Variants in ARIH1 observed in about 807,000 individuals in gnomAD.
ARIH1 encodes the protein ariadne RBR E3 ubiquitin protein ligase 1, also known as E3 ubiquitin-protein ligase ARIH1.
In ARIH1, 8 loss-of-function variants were observed where a neutral mutation model predicts 85.0. The observed-to-expected ratio is 0.09, with a 90% CI of 0.06 to 0.17. The LOEUF is 0.17. ARIH1 is among the 10% of genes least tolerant of loss of function. The pLI, the probability that ARIH1 is intolerant of heterozygous loss-of-function variation, is 1.00. For synonymous variants in ARIH1, 238 were observed against 253.6 expected (o/e 0.94, Z 0.59); for missense variants, 311 against 718.1 (o/e 0.43, Z 6.48).
chr15:72,579,914 T>G (rs920787093), intron 11 of ARIH1, among the ~76,000 whole-genome samples: 1 of 152,218 alleles, frequency 6.6e-6, no homozygotes, highest in Non-Finnish European at 1.5e-5. Flanking sequence ...CTAATTGTTG[T>G]ATTGCCTTGC....
intron 1 of ARIH1, among the ~76,000 whole-genome samples, chr15:72,517,499 A>G (rs538249033): frequency 5.3e-5 from 8 of 151,438 alleles, no homozygotes; most frequent in African/African-American, 1.9e-4. Context: ...ATCTTGGCTC[A>G]CTGCAACCTC....
At chr15:72,494,118 G>A (rs16956997) in intron 1 of ARIH1, among the ~76,000 whole-genome samples, 4,417 of 152,140 alleles carry the variant, frequency 0.029, 114 homozygotes, top group East Asian at 0.11. Flanking sequence ...TCTGAGGTTA[G>A]TGGGTCCCTA....
intron 1 of ARIH1, among the ~76,000 whole-genome samples, chr15:72,489,637 A>G (rs546132258): frequency 2.0e-5 from 3 of 152,364 alleles, no homozygotes; most frequent in African/African-American, 7.2e-5. Context: ...ATACTGAAGT[A>G]TGGTGGTCGT....
At chr15:72,570,919 G>A (rs1444475145) in intron 10 of ARIH1, among the ~76,000 whole-genome samples, 5 of 151,756 alleles carry the variant, frequency 3.3e-5, no homozygotes, top group Non-Finnish European at 5.9e-5. Flanking sequence ...ACCTGAGGTC[G>A]GGAGTTCAAG....
intron 3 of ARIH1, among the ~76,000 whole-genome samples, chr15:72,545,872 T>C (rs1595866420): frequency 6.6e-6 from 1 of 152,014 alleles, no homozygotes; most frequent in Admixed American, 6.6e-5. Flanking sequence ...ATTTACTTAC[T>C]TGATTTACTT....
chr15:72,587,848 TTG>T lies in ARIH1; in HGVS notation c.*4561_*4562del, dbSNP rs947454624. 1 of 152,224 alleles carries T rather than the reference TTG, an allele frequency of 6.6e-6. No homozygotes were observed. The highest frequency in any genetic ancestry group is 1.5e-5 in the Non-Finnish European group (1 of 68,042). The allele number at this position is 152,224 out of a possible 1,614,324, so 9.4% of individuals were successfully genotyped here. A position where few individuals can be genotyped will look rare whatever the true frequency, so the allele number is the denominator to read the frequency against. ...ACTTTTAGGTTTTTAGTTTTTGCTT[TTG>T]TGTGGAGTTGAGTCCAATTTTTAAG... is the stretch of plus-strand genomic sequence containing the variant. On this transcript the variant is annotated 3_prime_UTR_variant, in exon 14 of 14. Coordinates refer to ENST00000379887, the MANE Select transcript of ARIH1 (RefSeq NM_005744.5).
intron 2 of ARIH1, among the ~76,000 whole-genome samples, chr15:72,541,823 G>C (rs927400174): frequency 1.3e-5 from 2 of 152,198 alleles, no homozygotes; most frequent in African/African-American, 4.8e-5. Flanking sequence ...GAATAATAAA[G>C]TAGTCCTCAT....
chr15:72,581,103 G>A, intron 12 of ARIH1, 112 bp downstream of exon 12: 1 of 1,071,394 alleles, frequency 9.3e-7, no homozygotes, highest in Non-Finnish European at 1.3e-6. Flanking sequence ...GAACATGTAG[G>A]TAGACGAATG....
chr15:72,566,626 A>G, intron 8 of ARIH1, 21 bp downstream of exon 8: 1 of 1,599,690 alleles, frequency 6.3e-7, no homozygotes, highest in Non-Finnish European at 8.6e-7. Context: ...CTGACATTTC[A>G]ATTTTTAAAT....
At chr15:72,502,792 C>T (rs531435578) in intron 1 of ARIH1, among the ~76,000 whole-genome samples, 213 of 152,078 alleles carry the variant, frequency 1.4e-3, no homozygotes, top group Non-Finnish European at 2.1e-3. Context: ...AGCGACAGAG[C>T]CAGACCCTGT....
chr15:72,479,870 T>A (rs879337776), intron 1 of ARIH1, among the ~76,000 whole-genome samples: 12 of 151,906 alleles, frequency 7.9e-5, no homozygotes, highest in Admixed American at 1.3e-4. Context: ...TACTATTCTT[T>A]TTTTTTTTTT....
At chr15:72,552,382 G>A (rs927006549) in intron 3 of ARIH1, among the ~76,000 whole-genome samples, 31 of 152,208 alleles carry the variant, frequency 2.0e-4, no homozygotes, top group Admixed American at 2.0e-3. Flanking sequence ...CTGCCTCCCG[G>A]GTTGAAGGGA....
At chr15:72,501,903 C>G (rs2063905502) in intron 1 of ARIH1, among the ~76,000 whole-genome samples, 1 of 152,028 alleles carries the variant, frequency 6.6e-6, no homozygotes, top group Non-Finnish European at 1.5e-5. Context: ...TTTTTTGCCC[C>G]TATAAGGAAT....
intron 1 of ARIH1, among the ~76,000 whole-genome samples, chr15:72,479,615 G>A (rs2140389770): frequency 6.6e-6 from 1 of 152,192 alleles, no homozygotes; most frequent in East Asian, 1.9e-4. Flanking sequence ...CACCATGTTG[G>A]TCAGATGGTC....
In ARIH1 at chr15:72,576,117, A is replaced by G. The variant is rs1041161976; in HGVS notation, c.1215+3952A>G. Among the ~76,000 whole-genome samples, 9 of 152,158 alleles carry G rather than the reference A, an allele frequency of 5.9e-5. No individual in the cohort carries two copies. The South Asian group carries it at 1.4e-3, about 25-fold the overall frequency. ...AGTATTTCTAAGCAAGGGACCAACC[A>G]TAGGGCCAAGTAGTATCTGTTATGT... On this transcript the variant is annotated intron_variant, in intron 11 of 13. Transcript: ENST00000379887.
At chr15:72,475,037 C>T in intron 1 of ARIH1, 23 bp downstream of exon 1, 1 of 1,548,572 alleles carries the variant, frequency 6.5e-7, no homozygotes, top group East Asian at 2.4e-5. Flanking sequence ...GCCGCGCCAG[C>T]TGGACCGGGC....
chr15:72,492,633 T>G (rs930602717), intron 1 of ARIH1, among the ~76,000 whole-genome samples: 4 of 152,142 alleles, frequency 2.6e-5, no homozygotes, highest in Admixed American at 1.3e-4. Context: ...GTCACTGATT[T>G]GTTACAGAAT....
chr15:72,549,439 T>C (rs1014310939), intron 3 of ARIH1, among the ~76,000 whole-genome samples: 5 of 152,144 alleles, frequency 3.3e-5, no homozygotes, highest in Non-Finnish European at 7.3e-5. Context: ...GAATAAGATA[T>C]GTGAAGTAGG....
intron 1 of ARIH1, among the ~76,000 whole-genome samples, chr15:72,494,848 A>T (rs1051445955): frequency 2.0e-5 from 3 of 151,102 alleles, no homozygotes; most frequent in Non-Finnish European, 2.9e-5. Context: ...AAACTTAGTG[A>T]TTAAGTCTTT....
Sources: allele counts gnomAD v4.1 joint callset (sites outside exome capture counted in the v4.1 genomes callset), GRCh38; gene constraint gnomAD v4.1.1; transcripts MANE v1.5; gene names NCBI Gene and HGNC (gene_info 2026-07-23, HGNC 2026-07-21).